Variants in CACNA1C observed in about 807,000 individuals in gnomAD.
CACNA1C encodes the protein voltage-dependent L-type calcium channel subunit alpha-1C.
A neutral mutation model predicts 229.0 loss-of-function variants in CACNA1C; 30 were observed. The ratio of observed to expected loss-of-function variants is 0.13; its 90% CI spans 0.10 to 0.18. The LOEUF is 0.18. Ranked by LOEUF, CACNA1C falls within the 10% of genes least tolerant of loss-of-function variation. The probability of loss-of-function intolerance (pLI) is 1.00; values close to 1 mark genes in which losing one functional copy is unlikely to be tolerated. For missense variants in CACNA1C, 1,658 were observed against 2,845.0 expected (o/e 0.58, Z 9.49); for synonymous variants, 1,114 against 1,132.5 (o/e 0.98, Z 0.33).
At chr12:2,643,974 A>G (rs2094045345) in intron 30 of CACNA1C, among the ~76,000 whole-genome samples, 2 of 152,222 alleles carry the variant, frequency 1.3e-5, no homozygotes, top group Admixed American at 1.3e-4. Context: ...CAAGCGGAGA[A>G]GCGGAGCATG....
At chr12:2,671,965 C>A (rs2096589640) in intron 38 of CACNA1C, among the ~76,000 whole-genome samples, 1 of 152,112 alleles carries the variant, frequency 6.6e-6, no homozygotes, top group African/African-American at 2.4e-5. Context: ...ACGGGCCCTC[C>A]ACAAACTTGT....
chr12:2,280,720 G>A (rs1158539773), intron 3 of CACNA1C, among the ~76,000 whole-genome samples: 24 of 132,204 alleles, frequency 1.8e-4, no homozygotes, highest in South Asian at 2.8e-4. Context: ...GCTGTGCTTC[G>A]GTTTAACCTC....
At position 2,585,320 on chromosome 12, in the gene CACNA1C, G is replaced by T; in HGVS notation, c.2340-56G>T. On this transcript the variant is annotated intron_variant, in intron 16 of 46. Coordinates refer to ENST00000399655, the MANE Select transcript of CACNA1C (RefSeq NM_000719.7). This position sits in a 1 kb window ranked among gnomAD's most constrained non-coding sequence, Gnocchi z 4.1. Reference sequence around the variant, plus strand: ...CCACAGGGCGGTTCCCTCCTACACTGTTCCCTATCACTCCAGTAAACAGCC... The same window carrying T: ...CCACAGGGCGGTTCCCTCCTACACTTTTCCCTATCACTCCAGTAAACAGCC... 6.3e-7 allele frequency: 1 copy of T among 1,579,686 alleles called. No individual in the cohort carries two copies. The highest frequency in any genetic ancestry group is 8.6e-7 in the Non-Finnish European group (1 of 1,162,472).
chr12:2,202,062 T>C lies in CACNA1C; in HGVS notation c.477+81632T>C, dbSNP rs118043731. Among the ~76,000 whole-genome samples the C allele has an allele frequency of 2.0e-5, 3 of 152,376 alleles. No homozygotes were observed. The East Asian group carries it at 5.8e-4, about 29-fold the overall frequency. ...CTTCATCACATGCAAGAATGTCTTT[T>C]GTTATAATGATTAGAGAAATGATAA... On this transcript the variant is annotated intron_variant, in intron 3 of 46. Coordinates refer to ENST00000399655, the MANE Select transcript of CACNA1C (RefSeq NM_000719.7).
At chr12:2,516,932 G>T (rs1020059400) in intron 9 of CACNA1C, among the ~76,000 whole-genome samples, 2 of 152,090 alleles carry the variant, frequency 1.3e-5, no homozygotes, top group Admixed American at 6.5e-5. Context: ...AGTGTAGACA[G>T]AAGTGAGATG....
At chr12:2,283,410 G>A (rs1591627295) in intron 3 of CACNA1C, among the ~76,000 whole-genome samples, 1 of 152,128 alleles carries the variant, frequency 6.6e-6, no homozygotes, top group South Asian at 2.1e-4. Context: ...TCACAAGGTT[G>A]GGCTGGACAA....
chr12:2,328,939 T>A (rs7304986), intron 3 of CACNA1C, among the ~76,000 whole-genome samples: 2 of 152,146 alleles, frequency 1.3e-5, no homozygotes, highest in African/African-American at 4.8e-5. Flanking sequence ...AATTTGTCTG[T>A]GTAATAATCA....
intron 3 of CACNA1C, among the ~76,000 whole-genome samples, chr12:2,385,838 C>T (rs780862729): frequency 2.6e-5 from 4 of 152,176 alleles, no homozygotes; most frequent in African/African-American, 4.8e-5. Context: ...GGGTCTCACC[C>T]GTAGTGACTC....
chr12:2,032,820 T>C (rs1361790427), intron 1 of CACNA1C, among the ~76,000 whole-genome samples: 3 of 152,222 alleles, frequency 2.0e-5, no homozygotes, highest in Admixed American at 1.3e-4. Flanking sequence ...AGAACATGAA[T>C]GCGGCTTTTC....
chr12:2,555,668 G>T (rs1422701771), intron 10 of CACNA1C, among the ~76,000 whole-genome samples: 2 of 152,232 alleles, frequency 1.3e-5, no homozygotes, highest in Non-Finnish European at 2.9e-5. Flanking sequence ...GCCCTCACAG[G>T]CAGTCTTTGC....
intron 3 of CACNA1C, among the ~76,000 whole-genome samples, chr12:2,430,799 T>G (rs2099075535): frequency 6.6e-6 from 1 of 152,120 alleles, no homozygotes; most frequent in African/African-American, 2.4e-5. Context: ...GTCCTCAACA[T>G]GAAGCTGGGC....
At position 2,630,976 on chromosome 12, in the gene CACNA1C, C is replaced by G. The variant is rs879882191; in HGVS notation, c.3829-3321C>G. 2.6e-5 allele frequency among the ~76,000 whole-genome samples: 4 copies of G among 152,144 alleles called. No homozygotes were observed. Among genetic ancestry groups the G allele is most frequent in the African/African-American group, 4.8e-5 (2 of 41,400 alleles). On this transcript the variant is annotated intron_variant, in intron 29 of 46. Transcript: ENST00000399655. The surrounding 1 kb of genome is among the most constrained non-coding windows in gnomAD (Gnocchi z 5.4). Reference sequence around the variant, plus strand: ...GAGGGGGCTGTGCCTTCTGTCTGCACATATACAAAGAAATCTGGGAGAAAG... The same window carrying G: ...GAGGGGGCTGTGCCTTCTGTCTGCAGATATACAAAGAAATCTGGGAGAAAG...
intron 3 of CACNA1C, among the ~76,000 whole-genome samples, chr12:2,284,390 G>A (rs1466091367): frequency 1.3e-5 from 2 of 151,494 alleles, no homozygotes; most frequent in Non-Finnish European, 2.9e-5. Context: ...TTACACAAGC[G>A]GCTGCTGCCA....
At chr12:2,294,782 A>G (rs1310942920) in intron 3 of CACNA1C, among the ~76,000 whole-genome samples, 3 of 152,134 alleles carry the variant, frequency 2.0e-5, no homozygotes, top group African/African-American at 2.4e-5. Flanking sequence ...TGTTGGTCAC[A>G]CTGACCCAGA....
intron 10 of CACNA1C, among the ~76,000 whole-genome samples, chr12:2,551,547 G>A (rs755063100): frequency 1.1e-4 from 16 of 152,132 alleles, no homozygotes; most frequent in East Asian, 5.8e-4. Flanking sequence ...CTCCCACCCC[G>A]CCCCAGACAA....
chr12:2,154,808 G>A (rs539572348), intron 3 of CACNA1C, among the ~76,000 whole-genome samples: 6 of 152,260 alleles, frequency 3.9e-5, no homozygotes, highest in African/African-American at 9.6e-5. Flanking sequence ...TCACAGTTTC[G>A]TTTATCAGCC....
intron 18 of CACNA1C, among the ~76,000 whole-genome samples, chr12:2,588,306 C>T (rs1199912529): frequency 6.6e-6 from 1 of 152,222 alleles, no homozygotes; most frequent in Non-Finnish European, 1.5e-5. Context: ...ATGCAGGTAC[C>T]CCTTAGCAGG....
intron 30 of CACNA1C, among the ~76,000 whole-genome samples, chr12:2,642,455 C>T (rs1334756545): frequency 6.6e-6 from 1 of 152,156 alleles, no homozygotes; most frequent in Non-Finnish European, 1.5e-5. Flanking sequence ...GGGGTTCTTT[C>T]CAGAAAGCTC....
chr12:2,272,943 A>G (rs779287509), intron 3 of CACNA1C, among the ~76,000 whole-genome samples: 22 of 152,224 alleles, frequency 1.4e-4, no homozygotes, highest in Non-Finnish European at 2.5e-4. Flanking sequence ...CTCATATTAC[A>G]TATTACAGTT....
Sources: gnomAD v4.1 joint callset for allele counts (sites outside exome capture counted in the v4.1 genomes callset) on GRCh38, gnomAD v4.1.1 for gene constraint, Gnocchi (gnomAD v3.1) non-coding constraint, MANE v1.5 for transcripts, NCBI Gene and HGNC (gene_info 2026-07-23, HGNC 2026-07-21) for gene names.